The following PSMD9 variants were observed in gnomAD, a reference collection of about 807,000 sequenced individuals.
The protein encoded by PSMD9 is proteasome 26S subunit, non-ATPase 9.
PSMD9 carries 26 observed loss-of-function variants against 25.9 expected under a neutral mutation model. The ratio of observed to expected loss-of-function variants is 1.00; its 90% CI spans 0.73 to 1.39. The LOEUF is 1.39. Ranked by LOEUF, PSMD9 falls within the 40% of genes most tolerant of loss-of-function variation. PSMD9 has a pLI of 0.00. For missense variants in PSMD9, 303 were observed against 299.3 expected, an observed-to-expected ratio of 1.01 and a Z score of -0.09; for synonymous variants, 110 against 114.5, an observed-to-expected ratio of 0.96 and a Z score of 0.25.
chr12:121,900,399 A>T (rs1434507487), intron 3 of PSMD9, among the ~76,000 whole-genome samples: 3 of 151,704 alleles, frequency 2.0e-5, no homozygotes, highest in Admixed American at 6.6e-5. Flanking sequence ...CTTAAAAAAA[A>T]TTTTTTTTTG....
chr12:121,910,326 C>T (rs926984989), intron 4 of PSMD9, among the ~76,000 whole-genome samples: 9 of 151,648 alleles, frequency 5.9e-5, no homozygotes, highest in Middle Eastern at 6.8e-3. Context: ...CCTCATGATC[C>T]GCCTGCCTTG....
In PSMD9 at chr12:121,910,518, T is replaced by C. The variant is rs185873625; in HGVS notation, c.556-5338T>C. On this transcript the variant is annotated intron_variant, in intron 4 of 5. Coordinates refer to ENST00000541212, the MANE Select transcript of PSMD9 (RefSeq NM_002813.7). ...GGCTCACGCCTATAATCCCAGCACTTTGGGAGGCCAAGGTGGGCGGATCAC... is the reference window on the plus strand; with the variant it reads ...GGCTCACGCCTATAATCCCAGCACTCTGGGAGGCCAAGGTGGGCGGATCAC... Among the ~76,000 whole-genome samples the C allele has an allele frequency of 5.3e-5, 8 of 151,956 alleles. No individual in the cohort carries two copies. In the East Asian group the frequency reaches 1.6e-3, roughly 30 times the overall value.
At position 121,906,739 on chromosome 12, in the gene PSMD9, C is replaced by T. The variant is rs552302403; in HGVS notation, c.555+3632C>T. 1.5e-4 allele frequency among the ~76,000 whole-genome samples: 23 copies of T among 151,246 alleles called. No individual in the cohort carries two copies. In the South Asian group the frequency reaches 2.3e-3, roughly 15 times the overall value. Reference sequence around the variant, plus strand: ...TGAGGCAGGAGAATCACTTGAACCTCGGAGGCAGAGGTTGCAGTGAACCAA... The same window carrying T: ...TGAGGCAGGAGAATCACTTGAACCTTGGAGGCAGAGGTTGCAGTGAACCAA... On this transcript the variant is annotated intron_variant, in intron 4 of 5. Coordinates refer to ENST00000541212, the MANE Select transcript of PSMD9 (RefSeq NM_002813.7).
intron 4 of PSMD9, among the ~76,000 whole-genome samples, chr12:121,904,572 T>C (rs1879496613): frequency 6.6e-6 from 1 of 150,934 alleles, no homozygotes; most frequent in Non-Finnish European, 1.5e-5. Flanking sequence ...AGACTCTGTC[T>C]CAAAAAAAGA....
At chr12:121,905,289 G>A (rs928099919) in intron 4 of PSMD9, among the ~76,000 whole-genome samples, 4 of 149,776 alleles carry the variant, frequency 2.7e-5, no homozygotes, top group Admixed American at 6.7e-5. Flanking sequence ...GTGCAGTCTC[G>A]GGGGGGCTAC....
At chr12:121,909,952 C>G (rs1427392609) in intron 4 of PSMD9, among the ~76,000 whole-genome samples, 1 of 152,128 alleles carries the variant, frequency 6.6e-6, no homozygotes, top group Non-Finnish European at 1.5e-5. Context: ...TCAAGGTGTC[C>G]TCCAAGAAGC....
At position 121,899,685 on chromosome 12, in the gene PSMD9, A is replaced by G; in HGVS notation, c.293A>G (p.His98Arg). ...AVMKQVEEAL[H>R]QLHARDKEKQ... ...ATGAAGCAGGTGGAGGAGGCCCTGC[A>G]CCAGCTGCACGCTCGCGACAAGGAG... is the stretch of plus-strand genomic sequence containing the variant. The change falls in exon 3 of 6, where the codon CAC becomes CGC. Residue 98 changes from histidine (H) to arginine (R), a missense_variant. Coordinates refer to ENST00000541212, the MANE Select transcript of PSMD9 (RefSeq NM_002813.7). The G allele has an allele frequency of 6.2e-7, 1 of 1,613,696 alleles. No homozygotes were observed.
At chr12:121,893,611 C>A (rs1270289429) in intron 1 of PSMD9, among the ~76,000 whole-genome samples, 1 of 152,160 alleles carries the variant, frequency 6.6e-6, no homozygotes, top group Non-Finnish European at 1.5e-5. Flanking sequence ...TTCTCCTGGC[C>A]TCTGGTGACT....
chr12:121,917,028 G>A lies in PSMD9; in HGVS notation c.*717G>A, dbSNP rs958958691. On this transcript the variant is annotated 3_prime_UTR_variant, in exon 6 of 6. Coordinates refer to ENST00000541212, the MANE Select transcript of PSMD9 (RefSeq NM_002813.7). Reference sequence around the variant, plus strand: ...TTTTGTTTTTGTTTTCTGGAGACAAGGTCTTGCTTTGTCACCCAGGCTGGA... The same window carrying A: ...TTTTGTTTTTGTTTTCTGGAGACAAAGTCTTGCTTTGTCACCCAGGCTGGA... The A allele has an allele frequency of 6.6e-6, 1 of 152,394 alleles. No homozygotes were observed. Among genetic ancestry groups the A allele is most frequent in the Non-Finnish European group, 1.5e-5 (1 of 68,196 alleles). 9.4% of individuals were successfully genotyped at this position (152,394 alleles called of 1,614,324 possible). A position where few individuals can be genotyped will look rare whatever the true frequency, so the allele number is the denominator to read the frequency against.
At chr12:121,912,152 A>T (rs7974677) in intron 4 of PSMD9, among the ~76,000 whole-genome samples, 7,111 of 151,092 alleles carry the variant, frequency 0.047, 539 homozygotes, top group African/African-American at 0.16. Context: ...CAATCCTCCC[A>T]CCTCAGCCTT....
At chr12:121,911,080 C>A (rs111808907) in intron 4 of PSMD9, 5 of 444,842 alleles carry the variant, frequency 1.1e-5, no homozygotes, top group African/African-American at 2.0e-5. Context: ...CGCTCTGTTG[C>A]CCAGGCTGGA....
chr12:121,914,433 C>T (rs1205917136), intron 4 of PSMD9: 5 of 152,054 alleles, frequency 3.3e-5, no homozygotes, highest in Non-Finnish European at 7.3e-5. Context: ...GCCTGTAATC[C>T]CAGTTGCTCA....
chr12:121,898,734 GT>G, intron 2 of PSMD9: 1 of 155,440 alleles, frequency 6.4e-6, no homozygotes, highest in South Asian at 2.0e-4. Flanking sequence ...GTTTTGTTTT[GT>G]TTTTGAGACG....
intron 5 of PSMD9, 118 bp downstream of exon 5, chr12:121,916,062 T>G: frequency 8.0e-7 from 1 of 1,242,432 alleles, no homozygotes; most frequent in Non-Finnish European, 1.2e-6. Context: ...CCAGTTTGCA[T>G]GGAAACTGCA....
chr12:121,893,593 C>T (rs1879148835), intron 1 of PSMD9, among the ~76,000 whole-genome samples: 1 of 152,158 alleles, frequency 6.6e-6, no homozygotes, highest in South Asian at 2.1e-4. Flanking sequence ...AGAGAAGCTC[C>T]CAAGCCTTTC....
rs1477234468 is a variant in PSMD9 at position 121,907,184 on chromosome 12, C to T, written c.555+4077C>T. Among the ~76,000 whole-genome samples, 11 of 150,048 alleles carry T rather than the reference C, an allele frequency of 7.3e-5. No homozygotes were observed. In the East Asian group the frequency reaches 2.3e-3, roughly 31 times the overall value. ...TCACAGATTCAAGCGATTCTCCTGC[C>T]TCAGCCTCCCAAGTAGTTGGGACTA... On this transcript the variant is annotated intron_variant, in intron 4 of 5. Coordinates refer to ENST00000541212, the MANE Select transcript of PSMD9 (RefSeq NM_002813.7).
At chr12:121,897,892 G>A (rs1879281277) in intron 2 of PSMD9, 1 of 152,192 alleles carries the variant, frequency 6.6e-6, no homozygotes, top group African/African-American at 2.4e-5. Flanking sequence ...ATACACTGCA[G>A]AAACATTTTG....
At chr12:121,896,139 A>AG (rs1265534314) in intron 2 of PSMD9, among the ~76,000 whole-genome samples, 1 of 152,052 alleles carries the variant, frequency 6.6e-6, no homozygotes, top group Non-Finnish European at 1.5e-5. Flanking sequence ...AAAAAAAAAA[A>AG]TCTGTTTGAG....
intron 4 of PSMD9, chr12:121,911,060 G>C (rs1490600588): frequency 2.4e-6 from 1 of 419,292 alleles, no homozygotes; most frequent in Non-Finnish European, 4.8e-6. Flanking sequence ...TTGTTTTTGA[G>C]ATGGTGTCTC....
Sources: allele counts gnomAD v4.1 joint callset (sites outside exome capture counted in the v4.1 genomes callset), GRCh38; gene constraint gnomAD v4.1.1; transcripts MANE v1.5; gene names NCBI Gene and HGNC (gene_info 2026-07-23, HGNC 2026-07-21).